Variants in CORIN observed in about 807,000 individuals in gnomAD.
The protein encoded by CORIN is corin, serine peptidase.
CORIN carries 117 observed loss-of-function variants against 125.3 expected under a neutral mutation model. The ratio of observed to expected loss-of-function variants is 0.93; its 90% confidence interval spans 0.80 to 1.09. The LOEUF (loss-of-function observed/expected upper bound fraction) is 1.09. Among genes scored for constraint, CORIN ranks in the 50% least tolerant of loss-of-function variants. The pLI is 0.00. For synonymous variants in CORIN, 450 were observed against 466.4 expected (o/e 0.96, Z 0.45); for missense variants, 1,253 against 1,306.7 (o/e 0.96, Z 0.63).
chr4:47,607,324 C>T (rs1721691173), intron 19 of CORIN, among the ~76,000 whole-genome samples: 2 of 151,764 alleles, frequency 1.3e-5, no homozygotes, highest in African/African-American at 4.8e-5. Context: ...AGGAGAATGG[C>T]GTGAACCCGG....
At chr4:47,764,467 C>T (rs1729614717) in intron 3 of CORIN, among the ~76,000 whole-genome samples, 1 of 152,146 alleles carries the variant, frequency 6.6e-6, no homozygotes, top group Non-Finnish European at 1.5e-5. Context: ...TTTTTTATTC[C>T]TTATTCTCTT....
intron 1 of CORIN, among the ~76,000 whole-genome samples, chr4:47,812,789 C>T (rs889427366): frequency 2.0e-5 from 3 of 152,208 alleles, no homozygotes; most frequent in Middle Eastern, 3.4e-3. Context: ...TACCTGAACA[C>T]GGTCAGGAGT....
intron 5 of CORIN, among the ~76,000 whole-genome samples, chr4:47,707,527 C>T (rs551107052): frequency 6.6e-6 from 1 of 152,348 alleles, no homozygotes; most frequent in South Asian, 2.1e-4. Flanking sequence ...ACTCCTCTAT[C>T]TTGCAACTAA....
chr4:47,634,609 G>A (rs1722956038), intron 16 of CORIN, among the ~76,000 whole-genome samples: 1 of 152,174 alleles, frequency 6.6e-6, no homozygotes, highest in South Asian at 2.1e-4. Flanking sequence ...ACTCCAGCCT[G>A]GGTGACAAAA....
intron 5 of CORIN, among the ~76,000 whole-genome samples, chr4:47,734,954 A>G (rs1275739039): frequency 6.6e-6 from 1 of 152,228 alleles, no homozygotes; most frequent in African/African-American, 2.4e-5. Flanking sequence ...TACAGATTAA[A>G]ATTATGGTCA....
At chr4:47,768,362 A>G (rs948928836) in intron 3 of CORIN, among the ~76,000 whole-genome samples, 1 of 152,234 alleles carries the variant, frequency 6.6e-6, no homozygotes, top group Non-Finnish European at 1.5e-5. Flanking sequence ...AGAAAAGCCC[A>G]GGACCTGACG....
At chr4:47,826,091 C>G (rs1245006270) in intron 1 of CORIN, among the ~76,000 whole-genome samples, 1 of 152,044 alleles carries the variant, frequency 6.6e-6, no homozygotes, top group African/African-American at 2.4e-5. Flanking sequence ...AAGACACCAA[C>G]TGAGTTTTTG....
chr4:47,727,662 GA>G, intron 5 of CORIN, among the ~76,000 whole-genome samples: 1 of 152,172 alleles, frequency 6.6e-6, no homozygotes, highest in Middle Eastern at 3.4e-3. Flanking sequence ...AAAGGAAATA[GA>G]AATGACTTCA....
intron 7 of CORIN, 190 bp downstream of exon 7, chr4:47,683,541 G>T: frequency 8.6e-6 from 4 of 465,012 alleles, no homozygotes; most frequent in South Asian, 3.6e-5. Context: ...TGATTTTTTA[G>T]GTATTACATT....
At chr4:47,615,028 A>ATTGAGACT (rs1359689614) in intron 19 of CORIN, among the ~76,000 whole-genome samples, 1 of 152,232 alleles carries the variant, frequency 6.6e-6, no homozygotes, top group African/African-American at 2.4e-5. Context: ...TGACACTCAA[A>ATTGAGACT]TTGAGACTTG....
At chr4:47,736,027 C>T (rs1049088902) in intron 5 of CORIN, among the ~76,000 whole-genome samples, 1 of 149,188 alleles carries the variant, frequency 6.7e-6, no homozygotes, top group African/African-American at 2.5e-5. Context: ...AACAGTGTTA[C>T]ATAACACTGA....
Position 47,623,621 on chromosome 4 carries a change from A to G in CORIN, c.2490T>C (p.Cys830=). The change falls in exon 19 of 22, where the codon TGT becomes TGC. Residue 830 remains cysteine (C), a synonymous_variant. Transcript: ENST00000273857. ...GAACCCACTTCTTGGCAATGAGGAC[A>G]CAGCCACAGATATGTCCACTGGGTT... The part of the protein sequence containing the change: ...QSEPSGHICG[C]VLIAKKWVLT... 1 of 1,614,234 alleles carries G rather than the reference A, an allele frequency of 6.2e-7. No individual in the cohort carries two copies. The highest frequency in any genetic ancestry group is 1.1e-5 in the South Asian group (1 of 91,088).
intron 3 of CORIN, among the ~76,000 whole-genome samples, chr4:47,783,696 C>G (rs1205369986): frequency 6.6e-6 from 1 of 151,948 alleles, no homozygotes; most frequent in Non-Finnish European, 1.5e-5. Flanking sequence ...TAATACAGAT[C>G]TAAGACATTA....
chr4:47,799,121 G>A (rs1022219082), intron 2 of CORIN, among the ~76,000 whole-genome samples: 1 of 151,464 alleles, frequency 6.6e-6, no homozygotes, highest in East Asian at 1.9e-4. Flanking sequence ...GTGTGTGTGT[G>A]TGTGTGTGTG....
At chr4:47,784,758 A>T (rs913634174) in intron 3 of CORIN, among the ~76,000 whole-genome samples, 1 of 152,216 alleles carries the variant, frequency 6.6e-6, no homozygotes. Flanking sequence ...AAAACCTCAC[A>T]ATTAAACCCA....
intron 2 of CORIN, among the ~76,000 whole-genome samples, chr4:47,789,016 C>T (rs1240757724): frequency 6.6e-6 from 1 of 152,136 alleles, no homozygotes; most frequent in East Asian, 1.9e-4. Flanking sequence ...GTGTTCATAA[C>T]ATCTGGCTGG....
At chr4:47,760,815 A>G (rs73238630) in intron 4 of CORIN, among the ~76,000 whole-genome samples, 1 of 152,326 alleles carries the variant, frequency 6.6e-6, no homozygotes, top group Non-Finnish European at 1.5e-5. Flanking sequence ...ATCTTTATCA[A>G]TGATCTTAGC....
intron 16 of CORIN, among the ~76,000 whole-genome samples, chr4:47,636,369 T>A (rs75698552): frequency 6.6e-6 from 1 of 152,172 alleles, no homozygotes; most frequent in Non-Finnish European, 1.5e-5. Flanking sequence ...TGGCAAATAT[T>A]AGAAGGCAGT....
intron 3 of CORIN, among the ~76,000 whole-genome samples, chr4:47,782,197 C>T (rs1313951755): frequency 6.6e-6 from 1 of 151,542 alleles, no homozygotes; most frequent in African/African-American, 2.4e-5. Flanking sequence ...CCAGCCTGGC[C>T]AACGTGGCAA....
Sources: gnomAD v4.1 joint callset for allele counts (sites outside exome capture counted in the v4.1 genomes callset) on GRCh38, gnomAD v4.1.1 for gene constraint, MANE v1.5 for transcripts, NCBI Gene and HGNC (gene_info 2026-07-23, HGNC 2026-07-21) for gene names.